Variants in TENM4 observed in about 807,000 individuals in gnomAD.
The protein encoded by TENM4 is teneurin transmembrane protein 4, also known as teneurin-4.
A neutral mutation model predicts 243.3 loss-of-function variants in TENM4; 82 were observed. The observed-to-expected ratio is 0.34, with a 90% CI of 0.28 to 0.40. The LOEUF is 0.40. Ranked by LOEUF, TENM4 falls within the 10% of genes least tolerant of loss-of-function variation. The probability of loss-of-function intolerance (pLI) is 1.00; values close to 1 mark genes in which losing one functional copy is unlikely to be tolerated. For synonymous variants in TENM4, 1,412 were observed against 1,456.3 expected (o/e 0.97, Z 0.69); for missense variants, 3,138 against 3,673.3 (o/e 0.85, Z 3.77).
At chr11:79,224,887 G>T (rs545218654) in intron 2 of TENM4, among the ~76,000 whole-genome samples, 1 of 151,778 alleles carries the variant, frequency 6.6e-6, no homozygotes, top group South Asian at 2.1e-4. Flanking sequence ...GAAGGCAGAG[G>T]ATGCAGTGAG....
intron 6 of TENM4, among the ~76,000 whole-genome samples, chr11:79,056,369 T>C (rs188588095): frequency 4.3e-4 from 66 of 152,154 alleles, no homozygotes; most frequent in African/African-American, 1.5e-3. Flanking sequence ...GTTGTGTTAG[T>C]ATGTGCTGCC....
chr11:79,349,010 A>T (rs1445278746), intron 1 of TENM4, among the ~76,000 whole-genome samples: 1 of 152,188 alleles, frequency 6.6e-6, no homozygotes, highest in Non-Finnish European at 1.5e-5. Context: ...GATCTTGCCA[A>T]GCCCCTTCAC....
intron 27 of TENM4, among the ~76,000 whole-genome samples, chr11:78,704,699 T>C (rs1362623100): frequency 2.6e-5 from 4 of 152,202 alleles, no homozygotes; most frequent in African/African-American, 9.6e-5. Flanking sequence ...GGCATATATA[T>C]CAAAATGTTA....
At chr11:79,064,612 C>T (rs1860191424) in intron 6 of TENM4, 126 bp downstream of exon 6, 20 of 1,303,272 alleles carry the variant, frequency 1.5e-5, no homozygotes, top group Non-Finnish European at 2.1e-5. Flanking sequence ...CATTTGACCC[C>T]TGAGAGTAAA....
At chr11:79,319,182 G>A (rs1244410895) in intron 1 of TENM4, among the ~76,000 whole-genome samples, 3 of 152,218 alleles carry the variant, frequency 2.0e-5, no homozygotes, top group African/African-American at 7.2e-5. Flanking sequence ...GTAAGTGGCA[G>A]TGTTCTCGAA....
At chr11:79,254,250 C>T (rs1462555106) in intron 2 of TENM4, among the ~76,000 whole-genome samples, 2 of 152,102 alleles carry the variant, frequency 1.3e-5, no homozygotes, top group African/African-American at 2.4e-5. Flanking sequence ...ACTAGAAAAA[C>T]GTAAGTGTCT....
At chr11:79,221,639 G>T (rs1864157009) in intron 2 of TENM4, among the ~76,000 whole-genome samples, 1 of 151,760 alleles carries the variant, frequency 6.6e-6, no homozygotes, top group Non-Finnish European at 1.5e-5. Context: ...CTCCCACCTT[G>T]CCTCCTCTCT....
chr11:79,311,699 A>T (rs1479080695), intron 1 of TENM4, among the ~76,000 whole-genome samples: 1 of 152,088 alleles, frequency 6.6e-6, no homozygotes, highest in Non-Finnish European at 1.5e-5. Flanking sequence ...TAGTGTGTAC[A>T]TGGTGGCCAC....
chr11:79,370,107 G>A (rs1857752834), intron 1 of TENM4, among the ~76,000 whole-genome samples: 1 of 152,214 alleles, frequency 6.6e-6, no homozygotes, highest in Non-Finnish European at 1.5e-5. Flanking sequence ...TCATCATGTA[G>A]GAGTGATGTG....
At chr11:79,222,308 T>A (rs141772901) in intron 2 of TENM4, among the ~76,000 whole-genome samples, 3,094 of 152,320 alleles carry the variant, frequency 0.02, 47 homozygotes, top group Non-Finnish European at 0.035. Flanking sequence ...TCCAGCTCCA[T>A]CCGTGTTCCT....
intron 1 of TENM4, among the ~76,000 whole-genome samples, chr11:79,333,708 C>T (rs1235501271): frequency 6.6e-6 from 1 of 152,330 alleles, no homozygotes; most frequent in East Asian, 1.9e-4. Flanking sequence ...AAAAATGAAA[C>T]TACACCTAAT....
At chr11:78,688,493 C>T (rs1209237735) in intron 28 of TENM4, among the ~76,000 whole-genome samples, 2 of 152,134 alleles carry the variant, frequency 1.3e-5, no homozygotes, top group Non-Finnish European at 2.9e-5. Flanking sequence ...CACTGACCTG[C>T]CTACTGCCCA....
intron 6 of TENM4, among the ~76,000 whole-genome samples, chr11:79,064,448 C>G (rs1860185288): frequency 6.6e-6 from 1 of 152,094 alleles, no homozygotes; most frequent in South Asian, 2.1e-4. Context: ...TACCACTGCC[C>G]CATGCCCTCT....
intron 7 of TENM4, among the ~76,000 whole-genome samples, chr11:78,896,428 A>T (rs1217117195): frequency 1.3e-5 from 2 of 152,104 alleles, no homozygotes; most frequent in African/African-American, 2.4e-5. Context: ...CCAATCCCAT[A>T]ATGGCACCTT....
intron 6 of TENM4, among the ~76,000 whole-genome samples, chr11:78,933,952 G>C (rs1856726108): frequency 1.3e-5 from 2 of 152,144 alleles, no homozygotes; most frequent in African/African-American, 2.4e-5. Context: ...CCTGGGGAAA[G>C]GGGGGGACAA....
At chr11:78,954,861 G>A (rs983342462) in intron 6 of TENM4, among the ~76,000 whole-genome samples, 2 of 152,216 alleles carry the variant, frequency 1.3e-5, no homozygotes, top group Admixed American at 6.5e-5. Flanking sequence ...GGAAATGCTG[G>A]TTTCATCCAG....
intron 2 of TENM4, among the ~76,000 whole-genome samples, chr11:79,290,487 G>A (rs72949037): frequency 2.4e-3 from 367 of 152,242 alleles, no homozygotes; most frequent in Non-Finnish European, 4.2e-3. Context: ...CAGGCAGAAA[G>A]TGTCTACCTC....
chr11:78,784,970 G>A lies in TENM4; in HGVS notation c.2365+1928C>T, dbSNP rs77830697. ...ACATTTGCAAACGTTTTGGAGTTTG[G>A]TAAGATGAGCTGAGGACTCTGTAAG... On this transcript the variant is annotated intron_variant, in intron 16 of 33. Transcript: ENST00000278550. Among the ~76,000 whole-genome samples, 3 of 151,676 alleles carry A rather than the reference G, an allele frequency of 2.0e-5. No homozygotes were observed. The East Asian group carries it at 5.8e-4, about 29-fold the overall frequency.
chr11:79,409,828 C>CA (rs1858660786), intron 1 of TENM4, among the ~76,000 whole-genome samples: 1 of 152,210 alleles, frequency 6.6e-6, no homozygotes, highest in South Asian at 2.1e-4. Context: ...CCCCAGCTTT[C>CA]TTGGCCCCTG....
Sources: gnomAD v4.1 joint callset for allele counts (sites outside exome capture counted in the v4.1 genomes callset) on GRCh38, gnomAD v4.1.1 for gene constraint, MANE v1.5 for transcripts, NCBI Gene and HGNC (gene_info 2026-07-23, HGNC 2026-07-21) for gene names.